The following FRMPD1 variants were observed in gnomAD, a reference collection of about 807,000 sequenced individuals.
FRMPD1 encodes FERM and PDZ domain-containing protein 1.
Under a neutral mutation model 117.8 loss-of-function variants are expected in FRMPD1, and 76 were observed. The ratio of observed to expected loss-of-function variants is 0.65; its 90% CI spans 0.54 to 0.78. FRMPD1 has a LOEUF of 0.78. Among genes scored for constraint, FRMPD1 ranks in the 30% least tolerant of loss-of-function variants. FRMPD1 has a pLI of 0.00. For synonymous variants in FRMPD1, 783 were observed against 770.4 expected, an observed-to-expected ratio of 1.02 and a Z score of -0.27; for missense variants, 1,786 against 1,964.5, an observed-to-expected ratio of 0.91 and a Z score of 1.72.
intron 1 of FRMPD1, among the ~76,000 whole-genome samples, chr9:37,676,956 T>C (rs897292366): frequency 3.3e-5 from 5 of 152,190 alleles, no homozygotes; most frequent in African/African-American, 1.2e-4. Flanking sequence ...TTAATCTTGA[T>C]CTCCTCTACC....
At chr9:37,637,056 C>A in the FRMPD1 span, 1 of 1,547,088 alleles carries the variant, frequency 6.5e-7, no homozygotes, top group Admixed American at 1.7e-5. Context: ...CCATGAGCCC[C>A]CCGGTAGTAG....
intron 5 of FRMPD1, among the ~76,000 whole-genome samples, chr9:37,713,273 A>G (rs945680460): frequency 8.5e-5 from 13 of 152,284 alleles, no homozygotes; most frequent in African/African-American, 3.1e-4. Flanking sequence ...GAACATGTCA[A>G]TGTAATCAGA....
chr9:37,652,144 C>T (rs1306104198), intron 1 of FRMPD1, among the ~76,000 whole-genome samples: 1 of 152,040 alleles, frequency 6.6e-6, no homozygotes, highest in African/African-American at 2.4e-5. Flanking sequence ...TTGTAAAAAC[C>T]TCAGAATGGT....
chr9:37,712,702 C>T (rs918109127), intron 5 of FRMPD1, among the ~76,000 whole-genome samples: 3 of 152,180 alleles, frequency 2.0e-5, no homozygotes, highest in Non-Finnish European at 4.4e-5. Context: ...AAGCTACACT[C>T]AGAGTAAAAT....
At chr9:37,636,148 G>A in the FRMPD1 span, among the ~76,000 whole-genome samples, 4 of 152,202 alleles carry the variant, frequency 2.6e-5, no homozygotes, top group African/African-American at 9.7e-5. Flanking sequence ...TGGGAGGGGA[G>A]AGGAGGCAGT....
At chr9:37,677,886 C>T (rs1261035953) in intron 1 of FRMPD1, among the ~76,000 whole-genome samples, 1 of 152,186 alleles carries the variant, frequency 6.6e-6, no homozygotes, top group Non-Finnish European at 1.5e-5. Flanking sequence ...TGTCTGACTT[C>T]CCTGGTGAAA....
At chr9:37,691,219 C>G (rs139221483) in intron 1 of FRMPD1, among the ~76,000 whole-genome samples, 2 of 152,280 alleles carry the variant, frequency 1.3e-5, no homozygotes, top group Non-Finnish European at 1.5e-5. Flanking sequence ...TTCTCTTGTT[C>G]GTTTTCTCCA....
chr9:37,690,903 CCAAAGTTATCCTTTT>C (rs1410881883), intron 1 of FRMPD1, among the ~76,000 whole-genome samples: 1 of 152,092 alleles, frequency 6.6e-6, no homozygotes, highest in Non-Finnish European at 1.5e-5. Context: ...TGGAAAGAGG[CCAAAGTTATCCTTTT>C]ATCAGGAACT....
chr9:37,624,977 T>C, the FRMPD1 span, among the ~76,000 whole-genome samples: 2 of 152,152 alleles, frequency 1.3e-5, no homozygotes, highest in Non-Finnish European at 1.5e-5. Context: ...TCTAACAATA[T>C]GTCAGAAAAA....
At chr9:37,629,079 G>T in the FRMPD1 span, among the ~76,000 whole-genome samples, 1 of 152,112 alleles carries the variant, frequency 6.6e-6, no homozygotes, top group African/African-American at 2.4e-5. Flanking sequence ...CATGCCTGTG[G>T]TCCCAGCTAC....
At chr9:37,634,673 G>A in the FRMPD1 span, among the ~76,000 whole-genome samples, 2 of 151,222 alleles carry the variant, frequency 1.3e-5, no homozygotes, top group Non-Finnish European at 2.9e-5. Context: ...TTCCTTCTTG[G>A]TTTACTCTCA....
intron 1 of FRMPD1, among the ~76,000 whole-genome samples, chr9:37,675,568 C>G (rs1821500102): frequency 6.6e-6 from 1 of 152,118 alleles, no homozygotes; most frequent in South Asian, 2.1e-4. Context: ...TACAAAGACT[C>G]TCAGGTGGAT....
chr9:37,661,362 G>A (rs1267337577), intron 1 of FRMPD1, among the ~76,000 whole-genome samples: 4 of 152,190 alleles, frequency 2.6e-5, no homozygotes, highest in African/African-American at 9.7e-5. Context: ...ATCTGTGCAT[G>A]TTAAGCTTAC....
At chr9:37,604,896 G>C in the FRMPD1 span, among the ~76,000 whole-genome samples, 1 of 152,236 alleles carries the variant, frequency 6.6e-6, no homozygotes, top group Non-Finnish European at 1.5e-5. Flanking sequence ...CATTTCTGCT[G>C]TGCCAAGCAT....
At chr9:37,682,569 G>A (rs1353719002) in intron 1 of FRMPD1, among the ~76,000 whole-genome samples, 1 of 152,216 alleles carries the variant, frequency 6.6e-6, no homozygotes, top group East Asian at 1.9e-4. Flanking sequence ...AGGAAACCAG[G>A]TCTCCTAATA....
At chr9:37,643,419 G>A in the FRMPD1 span, among the ~76,000 whole-genome samples, 1 of 152,080 alleles carries the variant, frequency 6.6e-6, no homozygotes, top group Admixed American at 6.5e-5. Flanking sequence ...CTGTGGGGTA[G>A]TTCTCCTTTT....
rs548133845 is a variant in FRMPD1 at position 37,704,707 on chromosome 9, C to T, written c.102-2709C>T. Among the ~76,000 whole-genome samples, 13 of 151,856 alleles carry T rather than the reference C, an allele frequency of 8.6e-5. No individual in the cohort carries two copies. In the East Asian group the frequency reaches 2.5e-3, roughly 29 times the overall value. On this transcript the variant is annotated intron_variant, in intron 2 of 15. Coordinates refer to ENST00000377765, the MANE Select transcript of FRMPD1 (RefSeq NM_014907.3). ...CACTCCCTAAAATATAGTTAGTATTCATAAATGTTATTAATTATTATTGTC... is the reference window on the plus strand; with the variant it reads ...CACTCCCTAAAATATAGTTAGTATTTATAAATGTTATTAATTATTATTGTC...
chr9:37,660,917 G>C (rs1167170671), intron 1 of FRMPD1, among the ~76,000 whole-genome samples: 1 of 152,196 alleles, frequency 6.6e-6, no homozygotes, highest in Non-Finnish European at 1.5e-5. Flanking sequence ...TACTTCCTTA[G>C]CTGCATCTGG....
At position 37,742,573 on chromosome 9, in the gene FRMPD1, G is replaced by A. The variant is rs184901066; in HGVS notation, c.2356+1689G>A. The stretch of plus-strand genomic sequence containing the variant: ...GCCTAGGGCAGTCAAATGTGACTGG[G>A]CATCAGAATCACCTGAGGGACCTTG... On this transcript the variant is annotated intron_variant, in intron 15 of 15. Coordinates refer to ENST00000377765, the MANE Select transcript of FRMPD1 (RefSeq NM_014907.3). Among the ~76,000 whole-genome samples, 271 of 152,290 alleles carry A rather than the reference G, an allele frequency of 1.8e-3. 1 individual carries two copies. The highest frequency in any genetic ancestry group is 6.3e-3 in the African/African-American group (260 of 41,560).
Sources: allele counts gnomAD v4.1 joint callset (sites outside exome capture counted in the v4.1 genomes callset), GRCh38; gene constraint gnomAD v4.1.1; transcripts MANE v1.5; gene names NCBI Gene and HGNC (gene_info 2026-07-23, HGNC 2026-07-21).